The following JMJD1C variants were observed in gnomAD, a reference collection of about 807,000 sequenced individuals.
The protein encoded by JMJD1C is jumonji domain-containing protein 1C.
In JMJD1C, 31 loss-of-function variants were observed where a neutral mutation model predicts 245.3. That is an observed-to-expected ratio of 0.13 (90% CI 0.09 to 0.17). The LOEUF is 0.17. Ranked by LOEUF, JMJD1C falls within the 10% of genes least tolerant of loss-of-function variation. The probability of loss-of-function intolerance (pLI) is 1.00; values close to 1 mark genes in which losing one functional copy is unlikely to be tolerated. For synonymous variants in JMJD1C, 1,057 were observed against 1,017.4 expected (o/e 1.04, Z -0.74); for missense variants, 2,691 against 3,000.2 (o/e 0.90, Z 2.41).
At chr10:63,199,767 A>G (rs1845827708) in intron 11 of JMJD1C, among the ~76,000 whole-genome samples, 1 of 152,148 alleles carries the variant, frequency 6.6e-6, no homozygotes, top group African/African-American at 2.4e-5. Flanking sequence ...ATCAACACGT[A>G]TTTTTGGAGG....
At chr10:63,486,901 A>G (rs796989101) in intron 1 of JMJD1C, among the ~76,000 whole-genome samples, 2 of 152,324 alleles carry the variant, frequency 1.3e-5, no homozygotes, top group African/African-American at 4.8e-5. Flanking sequence ...TAAGTACCTT[A>G]CATGATTTCT....
chr10:63,418,730 G>T (rs1003660930), intron 1 of JMJD1C, among the ~76,000 whole-genome samples: 2 of 151,234 alleles, frequency 1.3e-5, no homozygotes, highest in Non-Finnish European at 3.0e-5. Flanking sequence ...TGTGGGGGGG[G>T]TTTCTGCTTC....
chr10:63,363,317 G>A (rs997998853), intron 2 of JMJD1C, among the ~76,000 whole-genome samples: 2 of 147,286 alleles, frequency 1.4e-5, no homozygotes, highest in Admixed American at 6.9e-5. Flanking sequence ...GGAGTGCAGC[G>A]GTACAATCTT....
At chr10:63,172,399 C>T (rs762871146) in intron 24 of JMJD1C, among the ~76,000 whole-genome samples, 1 of 152,014 alleles carries the variant, frequency 6.6e-6, no homozygotes. Flanking sequence ...TATAGAAAGC[C>T]ATAAATTTGT....
rs751103385 is a variant in JMJD1C at position 63,214,428 on chromosome 10, G to T, written c.1739C>A (p.Thr580Lys). Residue 580 changes from threonine (T) to lysine (K), a missense_variant, in exon 8 of 26, where the codon ACA (threonine) becomes AAA (lysine). By Grantham distance (78) the Thr-to-Lys change is moderately conservative. Transcript: ENST00000399262. ...VKVDLTQSSV[T>K]NASSGNDHLN... Reference sequence around the variant, plus strand: ...GTGATCATTTCCTGAAGAAGCATTTGTAACACTTGATTGGGTTAGATCCAC... The same window carrying T: ...GTGATCATTTCCTGAAGAAGCATTTTTAACACTTGATTGGGTTAGATCCAC... 1.2e-6 allele frequency: 2 copies of T among 1,613,634 alleles called. No homozygotes were observed.
intron 10 of JMJD1C, chr10:63,203,079 C>G (rs562813671): frequency 2.8e-5 from 28 of 984,682 alleles, no homozygotes; most frequent in Non-Finnish European, 3.4e-5. Context: ...GCATTTAGAG[C>G]TTTTTTTCAA....
intron 1 of JMJD1C, among the ~76,000 whole-genome samples, chr10:63,435,416 A>G (rs1371311810): frequency 1.3e-5 from 2 of 152,224 alleles, no homozygotes; most frequent in African/African-American, 2.4e-5. Context: ...GACAAAACTA[A>G]TATTTAATTT....
At chr10:63,169,924 T>C (rs1842194791) in intron 24 of JMJD1C, among the ~76,000 whole-genome samples, 1 of 152,130 alleles carries the variant, frequency 6.6e-6, no homozygotes, top group South Asian at 2.1e-4. Flanking sequence ...ACTCCTGCGG[T>C]GTCTTGTCTA....
intron 2 of JMJD1C, among the ~76,000 whole-genome samples, chr10:63,362,324 TATTC>T: frequency 6.6e-6 from 1 of 152,178 alleles, no homozygotes; most frequent in African/African-American, 2.4e-5. Context: ...AAGTGTCTTT[TATTC>T]ATTATCTACT....
chr10:63,415,671 C>T (rs373249798), intron 1 of JMJD1C, among the ~76,000 whole-genome samples: 81 of 152,200 alleles, frequency 5.3e-4, no homozygotes, highest in African/African-American at 1.9e-3. Flanking sequence ...AAACCTAAGA[C>T]ATACAAAACA....
intron 21 of JMJD1C, among the ~76,000 whole-genome samples, chr10:63,184,115 T>TGG (rs1257505780): frequency 6.6e-6 from 1 of 151,682 alleles, no homozygotes; most frequent in East Asian, 1.9e-4. Context: ...TTAGTAGAGA[T>TGG]GGGGTTTCAC....
chr10:63,213,387 C>A, intron 8 of JMJD1C, 86 bp downstream of exon 8: 1 of 816,760 alleles, frequency 1.2e-6, no homozygotes, highest in Admixed American at 2.5e-5. Context: ...TAGGAAATGA[C>A]CTAAAAAATA....
intron 2 of JMJD1C, among the ~76,000 whole-genome samples, chr10:63,304,109 T>C (rs1323993119): frequency 6.6e-6 from 1 of 152,200 alleles, no homozygotes; most frequent in Admixed American, 6.5e-5. Flanking sequence ...TTCCTGGCAG[T>C]ATCTTTCTAT....
chr10:63,275,063 A>C lies in JMJD1C; in HGVS notation c.334-10299T>G, dbSNP rs182873701. Among the ~76,000 whole-genome samples, 700 of 152,318 alleles carry C rather than the reference A, an allele frequency of 4.6e-3. 6 individuals are homozygous for C. The highest frequency in any genetic ancestry group is 7.3e-3 in the Non-Finnish European group (500 of 68,030). On this transcript the variant is annotated intron_variant, in intron 2 of 25. Transcript: ENST00000399262. ...TAGGTATTTTTAAAAAAGAAATACA[A>C]AATTTAGTCCTATTACTTTAATGTT...
At chr10:63,492,403 C>T (rs1021870526) in intron 1 of JMJD1C, among the ~76,000 whole-genome samples, 7 of 152,328 alleles carry the variant, frequency 4.6e-5, no homozygotes, top group South Asian at 2.1e-4. Flanking sequence ...CAGTGACTCA[C>T]GCCTGTAATC....
chr10:63,308,478 A>G (rs1161768023), intron 2 of JMJD1C, among the ~76,000 whole-genome samples: 1 of 152,182 alleles, frequency 6.6e-6, no homozygotes, highest in Non-Finnish European at 1.5e-5. Flanking sequence ...GAACAAAGAC[A>G]GAGACAAAAG....
At chr10:63,245,478 C>T (rs374128063) in intron 3 of JMJD1C, among the ~76,000 whole-genome samples, 13 of 90,194 alleles carry the variant, frequency 1.4e-4, no homozygotes, top group African/African-American at 4.2e-4. Flanking sequence ...CAGGGGAACT[C>T]TTTTTTTTTT....
intron 1 of JMJD1C, among the ~76,000 whole-genome samples, chr10:63,493,454 G>T (rs921947934): frequency 6.6e-6 from 1 of 151,516 alleles, no homozygotes; most frequent in Non-Finnish European, 1.5e-5. Context: ...GCTAATTTTT[G>T]TATTTTTAAT....
chr10:63,265,151 T>TA (rs2133786840), intron 2 of JMJD1C, among the ~76,000 whole-genome samples: 1 of 152,278 alleles, frequency 6.6e-6, no homozygotes, highest in South Asian at 2.1e-4. Flanking sequence ...TATTTCTTAT[T>TA]AAAGAGAGTA....
Sources: allele counts gnomAD v4.1 joint callset (sites outside exome capture counted in the v4.1 genomes callset), GRCh38; gene constraint gnomAD v4.1.1; transcripts MANE v1.5; gene names NCBI Gene and HGNC (gene_info 2026-07-23, HGNC 2026-07-21).